The following MDGA2 variants were observed in gnomAD, a reference collection of about 807,000 sequenced individuals.
The protein encoded by MDGA2 is MAM domain containing glycosylphosphatidylinositol anchor 2.
A neutral mutation model predicts 117.8 loss-of-function variants in MDGA2; 40 were observed. The observed-to-expected ratio is 0.34, with a 90% CI of 0.26 to 0.44. The LOEUF (loss-of-function observed/expected upper bound fraction) is 0.44. Ranked by LOEUF, MDGA2 falls within the 20% of genes least tolerant of loss-of-function variation. The pLI, the probability that MDGA2 is intolerant of heterozygous loss-of-function variation, is 1.00. For missense variants in MDGA2, 1,123 were observed against 1,250.6 expected (o/e 0.90, Z 1.54); for synonymous variants, 452 against 439.0 (o/e 1.03, Z -0.37).
At chr14:47,644,070 T>C (rs1286724142) in intron 1 of MDGA2, among the ~76,000 whole-genome samples, 4 of 152,162 alleles carry the variant, frequency 2.6e-5, no homozygotes, top group Non-Finnish European at 5.9e-5. Context: ...CTGTAAGATA[T>C]ATAAAGATAT....
At chr14:47,050,638 C>T (rs1188436794) in intron 7 of MDGA2, among the ~76,000 whole-genome samples, 2 of 152,028 alleles carry the variant, frequency 1.3e-5, no homozygotes, top group Non-Finnish European at 2.9e-5. Flanking sequence ...TCATGTGTAT[C>T]CACTCCAGTT....
chr14:47,426,670 C>T (rs1337353676), intron 1 of MDGA2, among the ~76,000 whole-genome samples: 4 of 146,270 alleles, frequency 2.7e-5, no homozygotes, highest in Non-Finnish European at 6.0e-5. Context: ...ATATATCACA[C>T]ATTATATATA....
chr14:47,639,404 C>A, intron 1 of MDGA2, among the ~76,000 whole-genome samples: 1 of 152,166 alleles, frequency 6.6e-6, no homozygotes, highest in East Asian at 1.9e-4. Flanking sequence ...CTTTCCTCCA[C>A]TTTCTTCCCC....
chr14:47,380,430 G>A (rs376233383), intron 1 of MDGA2, among the ~76,000 whole-genome samples: 22 of 152,126 alleles, frequency 1.4e-4, no homozygotes, highest in Middle Eastern at 3.4e-3. Context: ...GTGAATCCGG[G>A]AGCTCATTTT....
chr14:47,287,945 G>T (rs1888745977), intron 2 of MDGA2, among the ~76,000 whole-genome samples: 1 of 152,114 alleles, frequency 6.6e-6, no homozygotes, highest in African/African-American at 2.4e-5. Context: ...ACCTAGGATT[G>T]CCAGCTACCC....
At chr14:47,003,831 T>C (rs980298389) in intron 8 of MDGA2, among the ~76,000 whole-genome samples, 2 of 152,116 alleles carry the variant, frequency 1.3e-5, no homozygotes, top group South Asian at 2.1e-4. Flanking sequence ...TTTTGGGTGC[T>C]ACATTTAAGA....
chr14:47,578,501 T>C lies in MDGA2; in HGVS notation c.280+96016A>G, dbSNP rs8008170. Among the ~76,000 whole-genome samples the C allele has an allele frequency of 8.7e-3, 1,319 of 152,236 alleles. 16 individuals carry two copies. Among genetic ancestry groups the C allele is most frequent in the African/African-American group, 0.03 (1,234 of 41,550 alleles). On this transcript the variant is annotated intron_variant, in intron 1 of 16. Transcript: ENST00000399232. ...CCCAAAAGTATGGTGAATTTCCATC[T>C]TACTCTATGGAAATTATCAAAATCT...
chr14:47,088,864 A>T (rs1208220750), intron 6 of MDGA2, among the ~76,000 whole-genome samples: 1 of 152,202 alleles, frequency 6.6e-6, no homozygotes, highest in African/African-American at 2.4e-5. Context: ...AGCCAGTGAC[A>T]GTCAGTTCTA....
chr14:47,437,482 A>G lies in MDGA2; in HGVS notation c.281-135932T>C, dbSNP rs539755100. On this transcript the variant is annotated intron_variant, in intron 1 of 16. Transcript: ENST00000399232. ...ATGTTGCAACTCTGGAAAGATTGCA[A>G]ATTACTAGAAGACAATGTATGTCCC... 3.2e-4 allele frequency among the ~76,000 whole-genome samples: 48 copies of G among 152,268 alleles called. 1 individual carries two copies. The highest frequency in any genetic ancestry group is 1.1e-3 in the African/African-American group (45 of 41,570).
intron 6 of MDGA2, among the ~76,000 whole-genome samples, chr14:47,088,393 C>T (rs1415698259): frequency 2.0e-5 from 3 of 152,148 alleles, no homozygotes; most frequent in Non-Finnish European, 2.9e-5. Flanking sequence ...GGGACACCTG[C>T]ACACAGCAGA....
chr14:47,053,462 G>A (rs1889528423), intron 7 of MDGA2, among the ~76,000 whole-genome samples: 1 of 151,282 alleles, frequency 6.6e-6, no homozygotes, highest in South Asian at 2.1e-4. Flanking sequence ...TCCTTTATGT[G>A]ACATTACTGT....
rs111364509 is a variant in MDGA2, at chr14:46,958,001, A to C, written c.1820-358T>G. The stretch of plus-strand genomic sequence containing the variant: ...TGGGGTCCTTTGTCTAAAAGTGGTA[A>C]GAATTCTTTTTTTATTATGCAATGA... On this transcript the variant is annotated intron_variant, in intron 8 of 16. Transcript: ENST00000399232. Among the ~76,000 whole-genome samples, 750 of 152,272 alleles carry C rather than the reference A, an allele frequency of 4.9e-3. 7 individuals carry two copies. The highest frequency in any genetic ancestry group is 8.2e-3 in the Non-Finnish European group (558 of 68,014).
intron 8 of MDGA2, among the ~76,000 whole-genome samples, chr14:46,989,353 C>T (rs867354671): frequency 4.6e-5 from 7 of 151,288 alleles, no homozygotes; most frequent in Non-Finnish European, 8.8e-5. Context: ...CTTGTGAAGA[C>T]AATAAAAAAG....
chr14:46,978,641 G>A (rs1398671255), intron 8 of MDGA2, among the ~76,000 whole-genome samples: 2 of 151,964 alleles, frequency 1.3e-5, no homozygotes, highest in Non-Finnish European at 2.9e-5. Flanking sequence ...TTCAGCTTTT[G>A]GAGATTATTG....
At chr14:46,954,589 C>T (rs371823183) in intron 9 of MDGA2, among the ~76,000 whole-genome samples, 2 of 151,958 alleles carry the variant, frequency 1.3e-5, no homozygotes, top group East Asian at 1.9e-4. Flanking sequence ...TGCATTACTG[C>T]ACACTCACAT....
At position 47,674,406 on chromosome 14, in the gene MDGA2, C is replaced by G; in HGVS notation, c.280+111G>C. On this transcript the variant is annotated intron_variant, in intron 1 of 16. Coordinates refer to ENST00000399232, the MANE Select transcript of MDGA2 (RefSeq NM_001113498.3). ...CCCAATAACGTGATGAAGTGTAAAT[C>G]AAATGCCACGCCGGGAGGGGCCCCG... The G allele has an allele frequency of 5.6e-6, 5 of 897,736 alleles. No homozygotes were observed. In the South Asian group the frequency reaches 7.7e-5, roughly 14 times the overall value. 55.6% of individuals were successfully genotyped at this position (897,736 alleles called of 1,614,324 possible).
chr14:47,418,922 T>A (rs1892525455), intron 1 of MDGA2, among the ~76,000 whole-genome samples: 1 of 152,138 alleles, frequency 6.6e-6, no homozygotes, highest in Admixed American at 6.5e-5. Flanking sequence ...TGAATTCTGG[T>A]GACAAAAAGT....
At chr14:47,239,839 G>A (rs906539626) in intron 2 of MDGA2, among the ~76,000 whole-genome samples, 8 of 151,572 alleles carry the variant, frequency 5.3e-5, no homozygotes, top group East Asian at 3.9e-4. Context: ...TTGAAACAAC[G>A]GGCTTTATAT....
intron 8 of MDGA2, among the ~76,000 whole-genome samples, chr14:47,014,718 C>T (rs754949694): frequency 6.6e-6 from 1 of 152,180 alleles, no homozygotes; most frequent in Non-Finnish European, 1.5e-5. Context: ...CTCAAGTAAG[C>T]TTTGGTTTAA....
Sources: allele counts gnomAD v4.1 joint callset (sites outside exome capture counted in the v4.1 genomes callset), GRCh38; gene constraint gnomAD v4.1.1; transcripts MANE v1.5; gene names NCBI Gene and HGNC (gene_info 2026-07-23, HGNC 2026-07-21).